Variants in BRAF observed in about 807,000 individuals in gnomAD.
BRAF encodes the protein serine/threonine-protein kinase B-raf.
In BRAF, 16 loss-of-function variants were observed where a neutral mutation model predicts 104.6. That is an observed-to-expected ratio of 0.15 (90% CI 0.10 to 0.23). The LOEUF (loss-of-function observed/expected upper bound fraction) is 0.23. Ranked by LOEUF, BRAF falls within the 10% of genes least tolerant of loss-of-function variation. The probability of loss-of-function intolerance (pLI) is 1.00; values close to 1 mark genes in which losing one functional copy is unlikely to be tolerated. For synonymous variants in BRAF, 310 were observed against 341.6 expected (o/e 0.91, Z 1.02); for missense variants, 541 against 937.3 (o/e 0.58, Z 5.52).
chr7:140,800,864 C>A (rs1468734773), intron 6 of BRAF, among the ~76,000 whole-genome samples: 1 of 151,972 alleles, frequency 6.6e-6, no homozygotes, highest in Non-Finnish European at 1.5e-5. Context: ...AGCAGCAGCA[C>A]CAATGACACA....
At chr7:140,765,499 A>G (rs1799218013) in intron 14 of BRAF, among the ~76,000 whole-genome samples, 1 of 152,180 alleles carries the variant, frequency 6.6e-6, no homozygotes, top group African/African-American at 2.4e-5. Context: ...AACTACCATC[A>G]GAGTGAACAG....
intron 14 of BRAF, among the ~76,000 whole-genome samples, chr7:140,760,798 G>A (rs10085855): frequency 0.027 from 4,185 of 152,200 alleles, 204 homozygotes; most frequent in African/African-American, 0.094. Context: ...AGTGATGGAA[G>A]ATGAAATGAA....
At chr7:140,769,921 A>G (rs923779323) in intron 14 of BRAF, among the ~76,000 whole-genome samples, 2 of 152,160 alleles carry the variant, frequency 1.3e-5, no homozygotes, top group Non-Finnish European at 2.9e-5. Context: ...CTCTTTCTGT[A>G]TACACGACTT....
chr7:140,908,034 C>T (rs1325632917), intron 1 of BRAF, among the ~76,000 whole-genome samples: 1 of 152,190 alleles, frequency 6.6e-6, no homozygotes, highest in Non-Finnish European at 1.5e-5. Context: ...CGTGAGCCAC[C>T]GTGCCTGGCC....
chr7:140,739,164 A>T (rs1219407995), intron 18 of BRAF, among the ~76,000 whole-genome samples: 3 of 152,084 alleles, frequency 2.0e-5, no homozygotes, highest in African/African-American at 7.2e-5. Flanking sequence ...TCCGTGGACC[A>T]CCAGGGGATC....
intron 1 of BRAF, among the ~76,000 whole-genome samples, chr7:140,891,682 A>G (rs979075371): frequency 6.6e-6 from 1 of 152,120 alleles, no homozygotes; most frequent in Non-Finnish European, 1.5e-5. Context: ...AATCCCAAAT[A>G]GCATCCTCCA....
At chr7:140,756,404 C>A (rs1798208944) in intron 14 of BRAF, among the ~76,000 whole-genome samples, 1 of 152,076 alleles carries the variant, frequency 6.6e-6, no homozygotes, top group East Asian at 1.9e-4. Context: ...AATCCCCCAG[C>A]TAGAGAAATG....
chr7:140,919,030 TG>T (rs1374321346), intron 1 of BRAF, among the ~76,000 whole-genome samples: 2 of 150,208 alleles, frequency 1.3e-5, no homozygotes, highest in Non-Finnish European at 2.9e-5. Flanking sequence ...TCCCAGCTAC[TG>T]GGGAGGCTGA....
chr7:140,818,306 GTATTT>G (rs1444301294), intron 3 of BRAF, among the ~76,000 whole-genome samples: 1 of 151,280 alleles, frequency 6.6e-6, no homozygotes, highest in Non-Finnish European at 1.5e-5. Flanking sequence ...TTCCATACAA[GTATTT>G]TAATTTTTTT....
intron 17 of BRAF, among the ~76,000 whole-genome samples, chr7:140,742,510 G>A (rs1359388108): frequency 6.6e-6 from 1 of 152,098 alleles, no homozygotes; most frequent in Non-Finnish European, 1.5e-5. Context: ...GTGGTTTTAA[G>A]GGAATTAATT....
chr7:140,790,207 T>C (rs1286557043), intron 8 of BRAF, among the ~76,000 whole-genome samples: 6 of 152,222 alleles, frequency 3.9e-5, no homozygotes, highest in African/African-American at 1.4e-4. Context: ...GCATCAGCTC[T>C]GAAACTCTCC....
At position 140,808,007 on chromosome 7, in the gene BRAF, A is replaced by C; in HGVS notation, c.664T>G (p.Leu222Val). The part of the protein sequence containing the change: ...TDISWLTGEE[L>V]HVEVLENVPL... ...ACATTCTCCAACACTTCCACATGCA[A>C]TTCTTCTCCAGTAAGCCAGGAAATA... Residue 222 changes from leucine (L) to valine (V), a missense_variant, in exon 5 of 20, where the codon TTG becomes GTG. Physicochemically the swap from Leu to Val is conservative, Grantham distance 32 (BLOSUM62 1). Around this residue, in one of 10 missense-constraint regions of BRAF, gnomAD observed 26 missense variants for 74.4 expected, o/e 0.35. Coordinates refer to ENST00000644969, the MANE Select transcript of BRAF (RefSeq NM_001374258.1). The C allele has an allele frequency of 6.2e-7, 1 of 1,613,550 alleles. No individual in the cohort carries two copies. Among genetic ancestry groups the C allele is most frequent in the Non-Finnish European group, 8.5e-7 (1 of 1,179,586 alleles).
At chr7:140,759,851 T>A (rs182461603) in intron 14 of BRAF, among the ~76,000 whole-genome samples, 29 of 152,334 alleles carry the variant, frequency 1.9e-4, no homozygotes, top group Non-Finnish European at 4.0e-4. Flanking sequence ...GGGGATCTTG[T>A]TAAAATGCAG....
At chr7:140,771,222 G>T (rs972254572) in intron 14 of BRAF, among the ~76,000 whole-genome samples, 1 of 152,110 alleles carries the variant, frequency 6.6e-6, no homozygotes, top group South Asian at 2.1e-4. Flanking sequence ...TTGAGACAGG[G>T]TCTTGCTCTG....
chr7:140,838,084 G>A (rs1327597481), intron 2 of BRAF, among the ~76,000 whole-genome samples: 1 of 152,042 alleles, frequency 6.6e-6, no homozygotes, highest in East Asian at 1.9e-4. Context: ...CATTTCTTTT[G>A]GTTATTCAAG....
chr7:140,900,736 G>T (rs185351166), intron 1 of BRAF, among the ~76,000 whole-genome samples: 185 of 152,156 alleles, frequency 1.2e-3, no homozygotes, highest in Non-Finnish European at 2.4e-3. Context: ...TCAACCTCCC[G>T]AGTACCTGGG....
chr7:140,898,293 T>C (rs932534697), intron 1 of BRAF, among the ~76,000 whole-genome samples: 8 of 151,318 alleles, frequency 5.3e-5, no homozygotes, highest in Non-Finnish European at 1.2e-4. Context: ...TAGGCCTCAA[T>C]AGAGTGGGAG....
chr7:140,736,571 G>A (rs1796456938), intron 18 of BRAF, among the ~76,000 whole-genome samples: 1 of 151,842 alleles, frequency 6.6e-6, no homozygotes, highest in African/African-American at 2.4e-5. Flanking sequence ...GGGATTACAG[G>A]CATGTGCCAC....
At chr7:140,871,383 C>G (rs954066570) in intron 1 of BRAF, among the ~76,000 whole-genome samples, 1 of 151,844 alleles carries the variant, frequency 6.6e-6, no homozygotes, top group African/African-American at 2.4e-5. Flanking sequence ...ATAGTAAATT[C>G]TGGCCACCAC....
Sources: gnomAD v4.1 joint callset for allele counts (sites outside exome capture counted in the v4.1 genomes callset) on GRCh38, gnomAD v4.1.1 for gene constraint, gnomAD v4.1.1 regional missense constraint, MANE v1.5 for transcripts, NCBI Gene and HGNC (gene_info 2026-07-23, HGNC 2026-07-21) for gene names.